TTYH1: variants seen among roughly 807,000 people sequenced by gnomAD.
TTYH1 encodes the protein tweety family member 1.
In TTYH1, 33 loss-of-function variants were observed where a neutral mutation model predicts 61.2. That is an observed-to-expected ratio of 0.54 (90% CI 0.41 to 0.72). The LOEUF (loss-of-function observed/expected upper bound fraction) is 0.72, where lower values mean the gene tolerates loss of function less well. TTYH1 is among the 30% of genes least tolerant of loss of function. The pLI is 0.00. For missense variants in TTYH1, 538 were observed against 575.8 expected, an observed-to-expected ratio of 0.93 and a Z score of 0.67; for synonymous variants, 308 against 266.4, an observed-to-expected ratio of 1.16 and a Z score of -1.52.
In TTYH1 at chr19:54,436,181, C is replaced by G. The variant is rs372776302; in HGVS notation, c.*42+10C>G. 1.7e-5 allele frequency: 28 copies of G among 1,613,476 alleles called. No homozygotes were observed. The highest frequency in any genetic ancestry group is 3.4e-6 in the Non-Finnish European group (4 of 1,179,610). ...CTGGCTCCCCTCTTCGGTGAGCTTCCAAGGGCCACCCCAGCTCCTGCAGCC... is the reference window on the plus strand; with the variant it reads ...CTGGCTCCCCTCTTCGGTGAGCTTCGAAGGGCCACCCCAGCTCCTGCAGCC... On this transcript the variant is annotated intron_variant, in intron 13 of 13. Transcript: ENST00000376530. This position sits in a 1 kb window ranked among gnomAD's most constrained non-coding sequence, Gnocchi z 4.3.
chr19:54,421,036 C>A lies in TTYH1; in HGVS notation c.306-241C>A, dbSNP rs2083206161. 2.0e-5 allele frequency among the ~76,000 whole-genome samples: 3 copies of A among 152,122 alleles called. No homozygotes were observed. The highest frequency in any genetic ancestry group is 7.2e-5 in the African/African-American group (3 of 41,420). ...CGGGGGCTCCCTCCCCCCCACCACT[C>A]CACCCACCATTAACATCACAATGAC... is the stretch of plus-strand genomic sequence containing the variant. On this transcript the variant is annotated intron_variant, in intron 2 of 13. Transcript: ENST00000376530. This position sits in a 1 kb window ranked among gnomAD's most constrained non-coding sequence, Gnocchi z 4.8.
rs2083425395 is a variant in TTYH1 at position 54,430,890 on chromosome 19, G to A, written c.1017G>A (p.Gln339=). The change falls in exon 9 of 14, where the codon CAG becomes CAA. Residue 339 remains glutamine (Q), a synonymous_variant. Transcript: ENST00000376530. ...GCCTGGAGCGAGAAGCTGTGCCTCAGTTCCCTTCAGCGCAGGTCGGTGGGT... is the reference window on the plus strand; with the variant it reads ...GCCTGGAGCGAGAAGCTGTGCCTCAATTCCCTTCAGCGCAGGTCGGTGGGT... ...LLGLEREAVP[Q]FPSAQKPLLS... 1 of 1,612,982 alleles carries A rather than the reference G, an allele frequency of 6.2e-7. No homozygotes were observed. The highest frequency in any genetic ancestry group is 1.1e-5 in the South Asian group (1 of 91,084).
At chr19:54,425,209 G>A (rs907945377) in intron 4 of TTYH1, among the ~76,000 whole-genome samples, 1 of 152,242 alleles carries the variant, frequency 6.6e-6, no homozygotes, top group African/African-American at 2.4e-5. Context: ...ACACCCTGCC[G>A]GATCCGGAGG....
intron 9 of TTYH1, 67 bp from the exon 10 acceptor site, chr19:54,431,032 G>T: frequency 6.6e-7 from 1 of 1,523,586 alleles, no homozygotes; most frequent in Admixed American, 1.7e-5. Flanking sequence ...CGGGGACGCA[G>T]GGCGGGGCCA....
chr19:54,430,104 C>A, intron 7 of TTYH1, 147 bp downstream of exon 7: 1 of 681,480 alleles, frequency 1.5e-6, no homozygotes, highest in Non-Finnish European at 2.5e-6. Flanking sequence ...GGAAGCAGGG[C>A]TCCTGGCCAC....
In TTYH1 at chr19:54,415,640, C is replaced by T; in HGVS notation, c.88C>T (p.Pro30Ser). The T allele has an allele frequency of 1.3e-6, 2 of 1,566,902 alleles. No homozygotes were observed. The highest frequency in any genetic ancestry group is 2.4e-5 in the East Asian group (1 of 42,342). ...CGCCGACTTCCAGCTCCGCCCGGTG[C>T]CCAGCGTTTTCGCGCCCCAAGAGCA... ...PRADFQLRPV[P>S]SVFAPQEQEY... Residue 30 changes from proline to serine, a missense_variant, in exon 1 of 14, where the codon CCC becomes TCC. Pro to Ser is a moderately conservative substitution (Grantham distance 74, BLOSUM62 -1). Transcript: ENST00000376530. The surrounding 1 kb of genome is among the most constrained non-coding windows in gnomAD (Gnocchi z 5.2).
At position 54,429,941 on chromosome 19, in the gene TTYH1, G is replaced by A; in HGVS notation, c.867G>A (p.Glu289=). 6.2e-7 allele frequency: 1 copy of A among 1,613,992 alleles called. No homozygotes were observed. The highest frequency in any genetic ancestry group is 8.5e-7 in the Non-Finnish European group (1 of 1,179,912). The change falls in exon 7 of 14, where the codon GAG becomes GAA. Residue 289 remains glutamate, a synonymous_variant. Coordinates refer to ENST00000376530, the MANE Select transcript of TTYH1 (RefSeq NM_020659.4). This position sits in a 1 kb window ranked among gnomAD's most constrained non-coding sequence, Gnocchi z 5.1. ...DPYVLNLTQE[E]TGLSSDILSY... ...ATGTTCTGAACCTGACCCAGGAGGA[G>A]ACAGGGCTCAGCTCAGGTGATTTCC...
At chr19:54,426,978 C>A (rs2083333057) in intron 5 of TTYH1, among the ~76,000 whole-genome samples, 1 of 152,040 alleles carries the variant, frequency 6.6e-6, no homozygotes, top group Admixed American at 6.6e-5. Flanking sequence ...GGAATCATGG[C>A]AGAAATAATC....
Position 54,431,199 on chromosome 19 carries a change from C to T in TTYH1, c.1125+8C>T, listed in dbSNP as rs1802794258. 1 of 1,605,078 alleles carries T rather than the reference C, an allele frequency of 6.2e-7. No individual in the cohort carries two copies. The highest frequency in any genetic ancestry group is 8.5e-7 in the Non-Finnish European group (1 of 1,172,278). On this transcript the variant is annotated splice_region_variant and intron_variant, in intron 10 of 13. Coordinates refer to ENST00000376530, the MANE Select transcript of TTYH1 (RefSeq NM_020659.4). ...TGCCGCAGCCTGCACAAGGTGAAGC[C>T]CCTCCCCTCCCAATTTCTTCTCCCA...
chr19:54,427,711 G>A (rs529375183), intron 5 of TTYH1, among the ~76,000 whole-genome samples: 2 of 152,190 alleles, frequency 1.3e-5, no homozygotes, highest in Admixed American at 1.3e-4. Flanking sequence ...GCTACCATAA[G>A]GCTCCATGTG....
rs1412783931 is a variant in TTYH1, at chr19:54,435,425, AGTGGTC to A, written c.1126-116_1126-111del. 423 of 1,255,798 alleles carry A rather than the reference AGTGGTC, an allele frequency of 3.4e-4. No individual in the cohort carries two copies. In the African/African-American group the frequency reaches 5.9e-3, roughly 18 times the overall value. 77.8% of individuals were successfully genotyped at this position (1,255,798 alleles called of 1,614,324 possible). Reference sequence around the variant, plus strand: ...TTTGACAGGGGAAACTGAGGCACAGAGTGGTCAGTTGACGTGTGCAGTACCACAGCC... The same window carrying A: ...TTTGACAGGGGAAACTGAGGCACAGAAGTTGACGTGTGCAGTACCACAGCC... On this transcript the variant is annotated intron_variant, in intron 10 of 13. Coordinates refer to ENST00000376530, the MANE Select transcript of TTYH1 (RefSeq NM_020659.4).
Position 54,421,158 on chromosome 19 carries a change from TG to T in TTYH1, c.306-115del. On this transcript the variant is annotated intron_variant, in intron 2 of 13. Coordinates refer to ENST00000376530, the MANE Select transcript of TTYH1 (RefSeq NM_020659.4). The surrounding 1 kb of genome is among the most constrained non-coding windows in gnomAD (Gnocchi z 4.8). Reference sequence around the variant, plus strand: ...TTTCCCACGGGCTGGCCCAATGAGGTGGGGCTGAGATGGGAGGGGTGGATAA... The same window carrying T: ...TTTCCCACGGGCTGGCCCAATGAGGTGGGCTGAGATGGGAGGGGTGGATAA... 1 of 655,958 alleles carries T rather than the reference TG, an allele frequency of 1.5e-6. No homozygotes were observed. Among genetic ancestry groups the T allele is most frequent in the Non-Finnish European group, 2.7e-6 (1 of 370,888 alleles). The allele number at this position is 655,958 out of a possible 1,614,324, so 40.6% of individuals were successfully genotyped here.
At position 54,419,075 on chromosome 19, in the gene TTYH1, G is replaced by C. The variant is rs924208160; in HGVS notation, c.127-53G>C. The C allele has an allele frequency of 1.4e-5, 21 of 1,543,462 alleles. No individual in the cohort carries two copies. Among genetic ancestry groups the C allele is most frequent in the Non-Finnish European group, 1.5e-5 (17 of 1,139,462 alleles). On this transcript the variant is annotated intron_variant, in intron 1 of 13. Transcript: ENST00000376530. This position sits in a 1 kb window ranked among gnomAD's most constrained non-coding sequence, Gnocchi z 6.1. ...CCCAGCCACGCAGGAAGGGGGATCT[G>C]AGTGTGGAACACACGGGTGCCCTCG...
chr19:54,427,426 A>C (rs2083345465), intron 5 of TTYH1, among the ~76,000 whole-genome samples: 1 of 149,770 alleles, frequency 6.7e-6, no homozygotes, highest in Non-Finnish European at 1.5e-5. Flanking sequence ...TAACACGGTG[A>C]AACCCCATCT....
rs533994125 is a variant in TTYH1, at chr19:54,431,523, C to T, written c.1125+332C>T. 17 of 389,194 alleles carry T rather than the reference C, an allele frequency of 4.4e-5. No homozygotes were observed. In the South Asian group the frequency reaches 4.6e-4, roughly 11 times the overall value. The allele number at this position is 389,194 out of a possible 1,614,324, so 24.1% of individuals were successfully genotyped here. On this transcript the variant is annotated intron_variant, in intron 10 of 13. Coordinates refer to ENST00000376530, the MANE Select transcript of TTYH1 (RefSeq NM_020659.4). The stretch of plus-strand genomic sequence containing the variant: ...CTCTCCTCTCTCCGTCCTCCTGCCT[C>T]TCCCTCCCTCCTAGAGGCTGCCGCT...
Position 54,422,263 on chromosome 19 carries a change from C to T in TTYH1, c.491C>T (p.Pro164Leu), listed in dbSNP as rs770437501. 28 of 1,565,760 alleles carry T rather than the reference C, an allele frequency of 1.8e-5. No individual in the cohort carries two copies. The highest frequency in any genetic ancestry group is 4.0e-5 in the African/African-American group (3 of 74,364). ...ELTTLEEVLEPRTELVAAARG... is the reference protein window; with the variant it reads ...ELTTLEEVLELRTELVAAARG... The stretch of plus-strand genomic sequence containing the variant: ...ACCACCCTGGAGGAGGTGCTCGAGC[C>T]GCGCACGGAGCTGGTGGCTGCCGCC... Residue 164 changes from proline to leucine, a missense_variant, in exon 4 of 14, where the codon CCG becomes CTG. Pro to Leu is a moderately conservative substitution (Grantham distance 98, BLOSUM62 -3). Transcript: ENST00000376530.
Position 54,421,091 on chromosome 19 carries a change from C to T in TTYH1, c.306-186C>T, listed in dbSNP as rs778846475. On this transcript the variant is annotated intron_variant, in intron 2 of 13. Transcript: ENST00000376530. This position sits in a 1 kb window ranked among gnomAD's most constrained non-coding sequence, Gnocchi z 4.8. ...CTCCGCTGGGGGAGTGAGGCCTTCC[C>T]GTTCCCTTGGCAACCGACGGGGGCC... 4.6e-5 allele frequency among the ~76,000 whole-genome samples: 7 copies of T among 152,068 alleles called. No individual in the cohort carries two copies. Among genetic ancestry groups the T allele is most frequent in the East Asian group, 1.9e-4 (1 of 5,174 alleles).
intron 10 of TTYH1, 115 bp downstream of exon 10, chr19:54,431,306 A>G (rs775002636): frequency 9.5e-5 from 67 of 706,688 alleles, no homozygotes; most frequent in Non-Finnish European, 1.5e-4. Flanking sequence ...ATATCTCTGT[A>G]TCCTCTGTTT....
rs1423715557 is a variant in TTYH1, at chr19:54,421,352, G to T, written c.381G>T (p.Leu127=). ...DGVSQLSSAL[L]HANHTLSTID... ...TGTCCCAGCTCAGCTCTGCGCTGCTGCACGCCAACCACACACTCAGCACCA... is the reference window on the plus strand; with the variant it reads ...TGTCCCAGCTCAGCTCTGCGCTGCTTCACGCCAACCACACACTCAGCACCA... The change falls in exon 3 of 14, where the codon CTG becomes CTT. Residue 127 remains leucine, a synonymous_variant. Transcript: ENST00000376530. The surrounding 1 kb of genome is among the most constrained non-coding windows in gnomAD (Gnocchi z 4.8). 6.2e-7 allele frequency: 1 copy of T among 1,613,736 alleles called. No homozygotes were observed.
Sources: allele counts gnomAD v4.1 joint callset (sites outside exome capture counted in the v4.1 genomes callset), GRCh38; gene constraint gnomAD v4.1.1; non-coding constraint Gnocchi (gnomAD v3.1); transcripts MANE v1.5; gene names NCBI Gene and HGNC (gene_info 2026-07-23, HGNC 2026-07-21).